Variants in SCMH1 observed in about 807,000 individuals in gnomAD.
SCMH1 encodes polycomb protein SCMH1.
SCMH1 carries 37 observed loss-of-function variants against 70.8 expected under a neutral mutation model. The ratio of observed to expected loss-of-function variants is 0.52; its 90% confidence interval spans 0.40 to 0.69. The LOEUF is 0.69. Among genes scored for constraint, SCMH1 ranks in the 30% least tolerant of loss-of-function variants. The pLI is 0.00. For missense variants in SCMH1, 607 were observed against 827.3 expected (o/e 0.73, Z 3.27); for synonymous variants, 292 against 307.4 (o/e 0.95, Z 0.52).
chr1:41,183,200 C>A lies in SCMH1; in HGVS notation c.13+2921G>T, dbSNP rs561431634. ...AACCATCTCTCTTTAATCTCCCCTG[C>A]CCCATTCAGAGTTTAGGATTTCATT... On this transcript the variant is annotated intron_variant, in intron 2 of 14. Transcript: ENST00000337495. Among the ~76,000 whole-genome samples the A allele has an allele frequency of 1.8e-4, 28 of 152,278 alleles. No homozygotes were observed. The East Asian group carries it at 3.5e-3, about 19-fold the overall frequency.
chr1:41,195,525 T>C (rs915504758), intron 1 of SCMH1, among the ~76,000 whole-genome samples: 1 of 151,658 alleles, frequency 6.6e-6, no homozygotes, highest in African/African-American at 2.4e-5. Flanking sequence ...TGCTTTATAA[T>C]GAAAATACAC....
In SCMH1 at chr1:41,075,134, G is replaced by A. The variant is rs1571834534; in HGVS notation, c.978+85C>T. 2.0e-5 allele frequency: 27 copies of A among 1,323,904 alleles called. No homozygotes were observed. The East Asian group carries it at 6.0e-4, about 29-fold the overall frequency. 82.0% of individuals were successfully genotyped at this position (1,323,904 alleles called of 1,614,324 possible). On this transcript the variant is annotated intron_variant, in intron 9 of 14. Transcript: ENST00000337495. ...GCCTCGGCCTCCCATTAAGTGCTGG[G>A]ATTACAGGCGTGAGCCACGGCGCCT...
intron 6 of SCMH1, among the ~76,000 whole-genome samples, chr1:41,117,590 A>G (rs1407244263): frequency 2.0e-5 from 3 of 152,062 alleles, no homozygotes; most frequent in African/African-American, 7.2e-5. Context: ...CAGTTATCCA[A>G]AGGTCTAACT....
chr1:41,104,484 TC>T (rs1369641744), intron 8 of SCMH1, among the ~76,000 whole-genome samples: 2 of 152,228 alleles, frequency 1.3e-5, no homozygotes, highest in Admixed American at 1.3e-4. Flanking sequence ...TGATTTGCAA[TC>T]TTTCAACACA....
intron 10 of SCMH1, among the ~76,000 whole-genome samples, chr1:41,054,906 C>T (rs1380760898): frequency 1.3e-5 from 2 of 152,176 alleles, no homozygotes; most frequent in East Asian, 3.8e-4. Context: ...ACCTCAGCCT[C>T]CTGAGTAGCT....
intron 5 of SCMH1, among the ~76,000 whole-genome samples, chr1:41,149,318 G>C (rs1644858966): frequency 6.6e-6 from 1 of 152,048 alleles, no homozygotes; most frequent in Non-Finnish European, 1.5e-5. Context: ...ATCCAATCTA[G>C]TGTATTTTTC....
intron 12 of SCMH1, among the ~76,000 whole-genome samples, chr1:41,042,439 G>T (rs1646311721): frequency 6.6e-6 from 1 of 152,094 alleles, no homozygotes; most frequent in Non-Finnish European, 1.5e-5. Flanking sequence ...AGTAGAGACA[G>T]GGTTTCACCA....
At chr1:41,164,898 T>C (rs765080425) in intron 2 of SCMH1, among the ~76,000 whole-genome samples, 20 of 152,268 alleles carry the variant, frequency 1.3e-4, no homozygotes, top group Non-Finnish European at 2.6e-4. Flanking sequence ...GGTGAGAACA[T>C]TTAAAGTTCT....
At chr1:41,105,337 A>T (rs184514570) in intron 8 of SCMH1, among the ~76,000 whole-genome samples, 1 of 152,292 alleles carries the variant, frequency 6.6e-6, no homozygotes, top group East Asian at 1.9e-4. Flanking sequence ...AATTAAGTGA[A>T]TATCTGAATA....
intron 8 of SCMH1, 95 bp from the exon 9 acceptor site, chr1:41,075,546 G>C: frequency 9.9e-7 from 1 of 1,013,010 alleles, no homozygotes; most frequent in Admixed American, 2.5e-5. Context: ...TGCTCAGGTA[G>C]TTTTGTTCCA....
At chr1:41,132,168 T>C (rs982777002) in intron 6 of SCMH1, among the ~76,000 whole-genome samples, 3 of 152,096 alleles carry the variant, frequency 2.0e-5, no homozygotes. Flanking sequence ...CCACCAACAG[T>C]GTAAAAGTGT....
chr1:41,112,393 T>G lies in SCMH1; in HGVS notation c.745+890A>C, dbSNP rs141037851. ...CTTTTTAGACTTAAGAGGATGAGATTATTATTATTATCTTTACTAAAAGCA... is the reference window on the plus strand; with the variant it reads ...CTTTTTAGACTTAAGAGGATGAGATGATTATTATTATCTTTACTAAAAGCA... On this transcript the variant is annotated intron_variant, in intron 8 of 14. Coordinates refer to ENST00000337495, the Ensembl canonical transcript of SCMH1. Among the ~76,000 whole-genome samples, 754 of 152,230 alleles carry G rather than the reference T, an allele frequency of 5.0e-3. 9 individuals carry two copies. The highest frequency in any genetic ancestry group is 0.017 in the African/African-American group (703 of 41,536).
chr1:41,140,102 T>C (rs1286521912), intron 6 of SCMH1, among the ~76,000 whole-genome samples: 3 of 152,122 alleles, frequency 2.0e-5, no homozygotes, highest in African/African-American at 7.2e-5. Flanking sequence ...AGTGTTGGTA[T>C]TGTTATTCTG....
intron 6 of SCMH1, among the ~76,000 whole-genome samples, chr1:41,135,540 A>T (rs1289744937): frequency 6.6e-6 from 1 of 152,094 alleles, no homozygotes; most frequent in Non-Finnish European, 1.5e-5. Flanking sequence ...TTCCACCATG[A>T]ATGTAAGTTT....
At chr1:41,032,470 A>T (rs1169020403) in intron 13 of SCMH1, among the ~76,000 whole-genome samples, 1 of 152,222 alleles carries the variant, frequency 6.6e-6, no homozygotes, top group Non-Finnish European at 1.5e-5. Context: ...GTGAAATAAC[A>T]CTAAGAGGCA....
chr1:41,237,831 C>T (rs1662699707), intron 1 of SCMH1, among the ~76,000 whole-genome samples: 1 of 152,152 alleles, frequency 6.6e-6, no homozygotes, highest in African/African-American at 2.4e-5. Flanking sequence ...TTGCTACTAC[C>T]TCCCTTAGAG....
intron 10 of SCMH1, among the ~76,000 whole-genome samples, chr1:41,049,868 A>G (rs1294093363): frequency 6.6e-6 from 1 of 151,758 alleles, no homozygotes; most frequent in Non-Finnish European, 1.5e-5. Context: ...GTTTGAGACC[A>G]GCCTGGGCAA....
At chr1:41,143,937 G>C (rs1644328526) in intron 5 of SCMH1, among the ~76,000 whole-genome samples, 2 of 152,150 alleles carry the variant, frequency 1.3e-5, no homozygotes, top group South Asian at 4.1e-4. Flanking sequence ...ATTGTTGAGT[G>C]GTATAACCAT....
intron 2 of SCMH1, among the ~76,000 whole-genome samples, chr1:41,177,860 A>C (rs1184260627): frequency 6.6e-6 from 1 of 152,216 alleles, no homozygotes; most frequent in African/African-American, 2.4e-5. Flanking sequence ...AAGGCAGGCC[A>C]ACATTCAAAT....
Sources: allele counts gnomAD v4.1 joint callset (sites outside exome capture counted in the v4.1 genomes callset), GRCh38; gene constraint gnomAD v4.1.1; transcripts MANE v1.5; gene names NCBI Gene and HGNC (gene_info 2026-07-23, HGNC 2026-07-21).